The following ZBTB20 variants were observed in gnomAD, a reference collection of about 807,000 sequenced individuals.
ZBTB20 encodes zinc finger and BTB domain-containing protein 20.
ZBTB20 carries 9 observed loss-of-function variants against 56.9 expected under a neutral mutation model. The ratio of observed to expected loss-of-function variants is 0.16; its 90% CI spans 0.10 to 0.28. ZBTB20 has a LOEUF of 0.28. Among genes scored for constraint, ZBTB20 ranks in the 10% least tolerant of loss-of-function variants. The probability of loss-of-function intolerance (pLI) is 1.00; values close to 1 mark genes in which losing one functional copy is unlikely to be tolerated. For missense variants in ZBTB20, 655 were observed against 1,003.0 expected (o/e 0.65, Z 4.69); for synonymous variants, 417 against 420.7 (o/e 0.99, Z 0.11).
intron 10 of ZBTB20, among the ~76,000 whole-genome samples, chr3:114,360,509 A>T (rs890187841): frequency 7.1e-6 from 1 of 140,612 alleles, no homozygotes; most frequent in African/African-American, 2.6e-5. Context: ...AACTCGGCTA[A>T]TTTTTTTTTT....
rs145468576 is a variant in ZBTB20, at chr3:114,671,056, C to T, written c.-295+22472G>A. ...TTGACCTACATTATGTTAGGGTTAG[C>T]CTGAATAAATGGAGAGGAACGCTAC... On this transcript the variant is annotated intron_variant, in intron 6 of 11. Coordinates refer to ENST00000675478, the MANE Select transcript of ZBTB20 (RefSeq NM_001348800.3). Among the ~76,000 whole-genome samples the T allele has an allele frequency of 2.0e-5, 3 of 152,102 alleles. No individual in the cohort carries two copies. The East Asian group carries it at 5.8e-4, about 29-fold the overall frequency.
chr3:114,760,441 A>G (rs1363141805), intron 5 of ZBTB20, among the ~76,000 whole-genome samples: 1 of 152,130 alleles, frequency 6.6e-6, no homozygotes, highest in African/African-American at 2.4e-5. Context: ...ACTATTTGTA[A>G]AGGTTGGGTA....
At chr3:114,584,223 C>T (rs1167834208) in intron 6 of ZBTB20, among the ~76,000 whole-genome samples, 1 of 151,892 alleles carries the variant, frequency 6.6e-6, no homozygotes, top group African/African-American at 2.4e-5. Flanking sequence ...GGAAGAAAGA[C>T]TTTTTTTTGT....
chr3:114,558,865 C>T lies in ZBTB20; in HGVS notation c.-294-58474G>A, dbSNP rs190239425. 1.2e-4 allele frequency among the ~76,000 whole-genome samples: 18 copies of T among 152,268 alleles called. No individual in the cohort carries two copies. The East Asian group carries it at 3.3e-3, about 28-fold the overall frequency. ...GACCTGTCATAATTCACATGCCTAG[C>T]TCACTTGAGCCTCAAGGCCTTTGAA... is the stretch of plus-strand genomic sequence containing the variant. On this transcript the variant is annotated intron_variant, in intron 6 of 11. Transcript: ENST00000675478.
At chr3:115,134,031 C>T (rs1201981181) in intron 1 of ZBTB20, among the ~76,000 whole-genome samples, 4 of 152,114 alleles carry the variant, frequency 2.6e-5, no homozygotes, top group African/African-American at 9.7e-5. Flanking sequence ...TATTTCATTA[C>T]TTTCATCTTT....
intron 4 of ZBTB20, among the ~76,000 whole-genome samples, chr3:114,806,097 T>C (rs1332734564): frequency 6.6e-6 from 1 of 151,884 alleles, no homozygotes; most frequent in Non-Finnish European, 1.5e-5. Context: ...CATATTTTTT[T>C]TCCTCTTAGA....
intron 1 of ZBTB20, among the ~76,000 whole-genome samples, chr3:115,122,035 A>G (rs1359677991): frequency 6.6e-6 from 1 of 152,078 alleles, no homozygotes; most frequent in East Asian, 1.9e-4. Flanking sequence ...GATTCTTCTG[A>G]GCATTTAGAA....
At chr3:114,815,125 T>C (rs988925991) in intron 4 of ZBTB20, among the ~76,000 whole-genome samples, 3 of 152,180 alleles carry the variant, frequency 2.0e-5, no homozygotes, top group African/African-American at 7.2e-5. Flanking sequence ...GCTTTAAAAA[T>C]AGAATGTTAA....
At chr3:114,900,583 A>T (rs1252161599) in intron 3 of ZBTB20, 2 of 151,866 alleles carry the variant, frequency 1.3e-5, no homozygotes, top group Non-Finnish European at 1.5e-5. Flanking sequence ...AGCACTAGCA[A>T]GGGACTCTGA....
chr3:114,505,709 T>C (rs920644245), intron 6 of ZBTB20, among the ~76,000 whole-genome samples: 2 of 152,142 alleles, frequency 1.3e-5, no homozygotes. Flanking sequence ...TTCCAAATAG[T>C]AGGATGATGA....
chr3:114,474,558 G>A (rs1457188700), intron 7 of ZBTB20, among the ~76,000 whole-genome samples: 2 of 152,066 alleles, frequency 1.3e-5, no homozygotes, highest in East Asian at 3.8e-4. Flanking sequence ...CGGCCCTTCT[G>A]CTGCACTATA....
intron 5 of ZBTB20, among the ~76,000 whole-genome samples, chr3:114,704,878 A>G (rs939869744): frequency 1.3e-5 from 2 of 151,234 alleles, no homozygotes; most frequent in African/African-American, 4.9e-5. Flanking sequence ...TTCAAACCCA[A>G]TATCATTATT....
intron 2 of ZBTB20, among the ~76,000 whole-genome samples, chr3:115,050,786 T>C (rs1208691773): frequency 2.0e-5 from 3 of 152,130 alleles, no homozygotes; most frequent in Admixed American, 2.0e-4. Context: ...TCCTCTGATA[T>C]GGACATATGG....
At chr3:114,571,904 C>A (rs1052056815) in intron 6 of ZBTB20, among the ~76,000 whole-genome samples, 1 of 152,158 alleles carries the variant, frequency 6.6e-6, no homozygotes, top group African/African-American at 2.4e-5. Flanking sequence ...CTATATCCAG[C>A]GACAGCCCTG....
At chr3:114,568,000 G>A (rs1440129718) in intron 6 of ZBTB20, among the ~76,000 whole-genome samples, 2 of 152,194 alleles carry the variant, frequency 1.3e-5, no homozygotes, top group African/African-American at 2.4e-5. Context: ...GCTACTGCAG[G>A]GTGCAGCAGC....
At chr3:114,432,054 G>A (rs541090695) in intron 7 of ZBTB20, among the ~76,000 whole-genome samples, 4 of 152,074 alleles carry the variant, frequency 2.6e-5, no homozygotes, top group African/African-American at 9.7e-5. Flanking sequence ...AGCAGAGAGA[G>A]GGGGGAAAAC....
chr3:114,532,767 C>T (rs559541307), intron 6 of ZBTB20, among the ~76,000 whole-genome samples: 2 of 152,186 alleles, frequency 1.3e-5, no homozygotes, highest in African/African-American at 4.8e-5. Context: ...GGGTGCCCCT[C>T]TGGGATGAAG....
chr3:114,497,181 C>G (rs960085362), intron 7 of ZBTB20, among the ~76,000 whole-genome samples: 1 of 152,228 alleles, frequency 6.6e-6, no homozygotes, highest in East Asian at 1.9e-4. Context: ...CCTACCCCTA[C>G]TGCACAGTTC....
At chr3:114,757,171 T>TAA (rs2068067213) in intron 5 of ZBTB20, among the ~76,000 whole-genome samples, 1 of 152,138 alleles carries the variant, frequency 6.6e-6, no homozygotes, top group South Asian at 2.1e-4. Flanking sequence ...AGTGTTTCTC[T>TAA]AAGTCACTGT....
Sources: gnomAD v4.1 joint callset for allele counts (sites outside exome capture counted in the v4.1 genomes callset) on GRCh38, gnomAD v4.1.1 for gene constraint, MANE v1.5 for transcripts, NCBI Gene and HGNC (gene_info 2026-07-23, HGNC 2026-07-21) for gene names.